LPIN2: variants seen among roughly 807,000 people sequenced by gnomAD.
The protein encoded by LPIN2 is phosphatidate phosphatase LPIN2.
A neutral mutation model predicts 111.4 loss-of-function variants in LPIN2; 55 were observed. The observed-to-expected ratio is 0.49, with a 90% CI of 0.40 to 0.62. LPIN2 has a LOEUF of 0.62. Among genes scored for constraint, LPIN2 ranks in the 20% least tolerant of loss-of-function variants. LPIN2 has a pLI of 0.00. For missense variants in LPIN2, 992 were observed against 1,112.1 expected, an observed-to-expected ratio of 0.89 and a Z score of 1.54; for synonymous variants, 425 against 414.0, an observed-to-expected ratio of 1.03 and a Z score of -0.32.
intron 1 of LPIN2, among the ~76,000 whole-genome samples, chr18:2,962,667 T>C (rs570961833): frequency 2.6e-5 from 4 of 152,342 alleles, no homozygotes; most frequent in African/African-American, 2.4e-5. Context: ...CAGCTAGATC[T>C]CATGCATCCT....
intron 1 of LPIN2, among the ~76,000 whole-genome samples, chr18:2,992,974 C>CAA (rs59159362): frequency 0.028 from 2,678 of 97,260 alleles, 94 homozygotes; most frequent in African/African-American, 0.1. Context: ...AGACCCGTCT[C>CAA]AAAAAAAAAA....
chr18:2,921,282 G>A, intron 18 of LPIN2: 1 of 588,232 alleles, frequency 1.7e-6, no homozygotes, highest in Non-Finnish European at 3.0e-6. Flanking sequence ...GCTGCCTGAG[G>A]AAATGGAATG....
At chr18:2,922,512 G>A (rs1333074448) in intron 16 of LPIN2, among the ~76,000 whole-genome samples, 1 of 152,048 alleles carries the variant, frequency 6.6e-6, no homozygotes, top group Non-Finnish European at 1.5e-5. Flanking sequence ...CCTAACCTCA[G>A]GCAACCTGCC....
intron 1 of LPIN2, among the ~76,000 whole-genome samples, chr18:3,011,415 T>C (rs1308567473): frequency 6.6e-6 from 1 of 151,322 alleles, no homozygotes; most frequent in African/African-American, 2.4e-5. Flanking sequence ...GCTGGGGCGG[T>C]TGCTCACGCC....
At chr18:2,922,510 C>T (rs939968169) in intron 16 of LPIN2, among the ~76,000 whole-genome samples, 1 of 152,176 alleles carries the variant, frequency 6.6e-6, no homozygotes, top group Non-Finnish European at 1.5e-5. Flanking sequence ...CTCCTAACCT[C>T]AGGCAACCTG....
chr18:2,987,714 T>C (rs1436627862), intron 1 of LPIN2, among the ~76,000 whole-genome samples: 1 of 152,204 alleles, frequency 6.6e-6, no homozygotes, highest in African/African-American at 2.4e-5. Context: ...CTTTACTTAG[T>C]AAATTACTCT....
At chr18:2,937,544 TAAAAA>T (rs71366618) in intron 7 of LPIN2, 143 bp downstream of exon 7, 9,403 of 337,698 alleles carry the variant, frequency 0.028, no homozygotes, top group East Asian at 0.058. Context: ...AAACTCCAGC[TAAAAA>T]AAAAAAAAAA....
intron 2 of LPIN2, among the ~76,000 whole-genome samples, chr18:2,958,664 G>GA (rs1246213426): frequency 6.6e-6 from 1 of 151,898 alleles, no homozygotes; most frequent in Non-Finnish European, 1.5e-5. Flanking sequence ...GGAGTAGGAG[G>GA]AAAAAAATTC....
chr18:3,006,098 A>G (rs2078511345), intron 1 of LPIN2, among the ~76,000 whole-genome samples: 1 of 152,192 alleles, frequency 6.6e-6, no homozygotes, highest in Non-Finnish European at 1.5e-5. Context: ...TACTTTGTAC[A>G]GTGGTTGTGA....
intron 1 of LPIN2, among the ~76,000 whole-genome samples, chr18:2,984,582 G>A (rs1456877867): frequency 2.0e-5 from 3 of 151,550 alleles, no homozygotes; most frequent in Admixed American, 2.0e-4. Flanking sequence ...ACCTAAGAAG[G>A]TGAAAAAAAG....
chr18:3,007,377 T>C (rs1253385610), intron 1 of LPIN2, among the ~76,000 whole-genome samples: 2 of 152,204 alleles, frequency 1.3e-5, no homozygotes, highest in African/African-American at 4.8e-5. Flanking sequence ...TTCACTGTGT[T>C]AGCCAGGATG....
At chr18:2,948,453 A>G (rs755957965) in intron 4 of LPIN2, 1 of 152,246 alleles carries the variant, frequency 6.6e-6, no homozygotes, top group Non-Finnish European at 1.5e-5. Flanking sequence ...CCTTTAGAAT[A>G]ATGATTCTTG....
At chr18:2,921,475 G>T (rs999698529) in intron 18 of LPIN2, 58 bp downstream of exon 18, 5 of 1,302,532 alleles carry the variant, frequency 3.8e-6, no homozygotes, top group African/African-American at 2.9e-5. Context: ...TACACCCCAC[G>T]AAGTACATCC....
rs775190257 is a variant in LPIN2 at position 2,934,418 on chromosome 18, C to G, written c.1201G>C (p.Asp401His). The G allele has an allele frequency of 1.2e-6, 2 of 1,613,600 alleles. No individual in the cohort carries two copies. Among genetic ancestry groups the G allele is most frequent in the Non-Finnish European group, 1.7e-6 (2 of 1,179,780 alleles). The change falls in exon 8 of 20, where the codon GAT becomes CAT. Residue 401 changes from aspartate to histidine, a missense_variant. Physicochemically the swap from Asp to His is moderately conservative, Grantham distance 81. Around this residue, in one of 4 missense-constraint regions of LPIN2, gnomAD observed 709 missense variants for 753.2 expected, o/e 0.94. Coordinates refer to ENST00000677752, the MANE Select transcript of LPIN2 (RefSeq NM_001375808.2). ...TTTAAGTCATCAAGGTAAATATCAT[C>G]AGGTCCCTGGTGTTGGCTTCTTTTG... ...VHKRSQHQGP[D>H]DIYLDDLKGL... is the part of the protein sequence containing the mutation.
At chr18:2,980,481 C>CT (rs2078092282) in intron 1 of LPIN2, among the ~76,000 whole-genome samples, 1 of 152,172 alleles carries the variant, frequency 6.6e-6, no homozygotes, top group African/African-American at 2.4e-5. Flanking sequence ...CCTGGGTGGA[C>CT]TAAGGTTTCC....
intron 12 of LPIN2, among the ~76,000 whole-genome samples, chr18:2,927,460 C>T (rs1193864226): frequency 1.3e-5 from 2 of 152,198 alleles, no homozygotes; most frequent in Non-Finnish European, 2.9e-5. Flanking sequence ...CCAGCTCCGT[C>T]TCTCACCAGT....
At chr18:2,929,511 T>C (rs999694158) in intron 9 of LPIN2, among the ~76,000 whole-genome samples, 4 of 152,204 alleles carry the variant, frequency 2.6e-5, no homozygotes, top group African/African-American at 9.6e-5. Context: ...CGAAGTTCTA[T>C]TCTCAGAGGA....
intron 1 of LPIN2, among the ~76,000 whole-genome samples, chr18:3,010,929 A>G (rs1448544098): frequency 6.6e-6 from 1 of 152,144 alleles, no homozygotes; most frequent in East Asian, 1.9e-4. Flanking sequence ...ATGCCTCACC[A>G]TTCAGGGAAG....
At chr18:2,940,759 C>T in intron 4 of LPIN2, 47 bp from the exon 5 acceptor site, 1 of 1,163,296 alleles carries the variant, frequency 8.6e-7, no homozygotes, top group Non-Finnish European at 1.3e-6. Context: ...ACATTCTTGT[C>T]AGCTTTAAAA....
Sources: gnomAD v4.1 joint callset for allele counts (sites outside exome capture counted in the v4.1 genomes callset) on GRCh38, gnomAD v4.1.1 for gene constraint, gnomAD v4.1.1 regional missense constraint, MANE v1.5 for transcripts, NCBI Gene and HGNC (gene_info 2026-07-23, HGNC 2026-07-21) for gene names.